PLA2G4A: variants seen among roughly 807,000 people sequenced by gnomAD.
The protein encoded by PLA2G4A is cytosolic phospholipase A2.
In PLA2G4A, 40 loss-of-function variants were observed where a neutral mutation model predicts 81.9. That is an observed-to-expected ratio of 0.49 (90% confidence interval 0.38 to 0.64). The LOEUF is 0.64. Among genes scored for constraint, PLA2G4A ranks in the 30% least tolerant of loss-of-function variants. PLA2G4A has a pLI of 0.00. For synonymous variants in PLA2G4A, 302 were observed against 296.9 expected, an observed-to-expected ratio of 1.02 and a Z score of -0.18; for missense variants, 715 against 905.1, an observed-to-expected ratio of 0.79 and a Z score of 2.69.
Position 186,830,970 on chromosome 1 carries a change from CTT to C in PLA2G4A, c.-70+1937_-70+1938del, listed in dbSNP as rs879673305. On this transcript the variant is annotated intron_variant, in intron 1 of 17. Transcript: ENST00000367466. ...GCTTGCTTGCTTGCTTTCTTTCTTT[CTT>C]TCTTTCTTTCTTTCTTTCTTTCTTT... is the stretch of plus-strand genomic sequence containing the variant. 7.9e-3 allele frequency among the ~76,000 whole-genome samples: 849 copies of C among 107,336 alleles called. 8 individuals are homozygous for C. The highest frequency in any genetic ancestry group is 0.023 in the African/African-American group (595 of 26,048). The allele number at this position is 107,336 out of a possible 152,430, so 70.4% of individuals were successfully genotyped here.
chr1:186,946,972 G>T lies in PLA2G4A; in HGVS notation c.1264+11G>T, dbSNP rs200175385. The T allele has an allele frequency of 7.7e-6, 11 of 1,421,234 alleles. No homozygotes were observed. Among genetic ancestry groups the T allele is most frequent in the Middle Eastern group, 1.8e-4 (1 of 5,714 alleles). 88.0% of individuals were successfully genotyped at this position (1,421,234 alleles called of 1,614,324 possible). Reference sequence around the variant, plus strand: ...TGGAGGAAGAATTAGGTATCCTAAAGATATGCTTACATTGATACAAATCTT... The same window carrying T: ...TGGAGGAAGAATTAGGTATCCTAAATATATGCTTACATTGATACAAATCTT... On this transcript the variant is annotated intron_variant, in intron 12 of 17. Transcript: ENST00000367466.
At chr1:186,856,023 T>C (rs1411566344) in intron 2 of PLA2G4A, among the ~76,000 whole-genome samples, 2 of 152,024 alleles carry the variant, frequency 1.3e-5, no homozygotes, top group African/African-American at 2.4e-5. Flanking sequence ...TCTTTGCATT[T>C]CCATATAATT....
At chr1:186,909,660 C>CAAAA (rs377504921) in intron 6 of PLA2G4A, among the ~76,000 whole-genome samples, 2 of 113,020 alleles carry the variant, frequency 1.8e-5, no homozygotes, top group African/African-American at 3.5e-5. Flanking sequence ...AACTCCGTCT[C>CAAAA]AAAAAAAAAA....
chr1:186,982,922 C>T (rs1316828290), intron 17 of PLA2G4A, among the ~76,000 whole-genome samples: 1 of 151,630 alleles, frequency 6.6e-6, no homozygotes, highest in South Asian at 2.1e-4. Flanking sequence ...ACTAAAAATA[C>T]AAAAAAGCAA....
At chr1:186,885,040 G>A (rs1212553324) in intron 3 of PLA2G4A, among the ~76,000 whole-genome samples, 1 of 152,060 alleles carries the variant, frequency 6.6e-6, no homozygotes, top group Admixed American at 6.6e-5. Flanking sequence ...TAATCCAGCA[G>A]AGCTTTGTCA....
chr1:186,921,133 C>T (rs1004591839), intron 7 of PLA2G4A, among the ~76,000 whole-genome samples: 34 of 152,104 alleles, frequency 2.2e-4, no homozygotes, highest in Admixed American at 3.3e-4. Flanking sequence ...TAATGCCTCA[C>T]GGTACCGTCT....
intron 8 of PLA2G4A, among the ~76,000 whole-genome samples, chr1:186,934,292 A>G (rs914056511): frequency 6.6e-6 from 1 of 151,912 alleles, no homozygotes; most frequent in African/African-American, 2.4e-5. Context: ...CTAGACTTCG[A>G]GTGCTGATTT....
intron 1 of PLA2G4A, among the ~76,000 whole-genome samples, chr1:186,842,043 CT>C (rs34496849): frequency 0.65 from 75,417 of 115,966 alleles, 22,850 homozygotes; most frequent in Admixed American, 0.73. Flanking sequence ...CATATCATAT[CT>C]TTTTTTTTTT....
intron 1 of PLA2G4A, among the ~76,000 whole-genome samples, chr1:186,839,563 AT>A (rs1558348465): frequency 6.6e-6 from 1 of 152,102 alleles, no homozygotes; most frequent in Non-Finnish European, 1.5e-5. Flanking sequence ...CTGCTTATTG[AT>A]TTTACTAATG....
rs186271613 is a variant in PLA2G4A at position 186,906,234 on chromosome 1, G to T, written c.379-731G>T. Among the ~76,000 whole-genome samples, 972 of 152,252 alleles carry T rather than the reference G, an allele frequency of 6.4e-3. 2 individuals carry two copies. Among genetic ancestry groups the T allele is most frequent in the Middle Eastern group, 0.041 (12 of 294 alleles). On this transcript the variant is annotated intron_variant, in intron 5 of 17. Transcript: ENST00000367466. ...TAACGCCAGGGATAATATTGAAAAG[G>T]CCTTTCTGTACAACAGATTTACAGT... is the stretch of plus-strand genomic sequence containing the variant.
At chr1:186,947,702 T>C (rs888720952) in intron 12 of PLA2G4A, among the ~76,000 whole-genome samples, 5 of 152,180 alleles carry the variant, frequency 3.3e-5, no homozygotes, top group African/African-American at 1.2e-4. Context: ...CTGTTTTGAC[T>C]GATAGCATAA....
At chr1:186,887,250 G>A (rs1174148776) in intron 3 of PLA2G4A, among the ~76,000 whole-genome samples, 1 of 152,072 alleles carries the variant, frequency 6.6e-6, no homozygotes, top group East Asian at 1.9e-4. Context: ...CAAACAAGAG[G>A]TTTAAGTTGC....
intron 3 of PLA2G4A, among the ~76,000 whole-genome samples, chr1:186,872,107 C>T (rs1408237818): frequency 6.6e-6 from 1 of 152,072 alleles, no homozygotes; most frequent in East Asian, 1.9e-4. Context: ...AGAGCAATGG[C>T]AATTTCTTCA....
chr1:186,860,150 T>C (rs888612776), intron 2 of PLA2G4A, among the ~76,000 whole-genome samples: 9 of 152,158 alleles, frequency 5.9e-5, no homozygotes, highest in Non-Finnish European at 1.2e-4. Flanking sequence ...CAATAGGAGA[T>C]ATTAATTTAT....
intron 5 of PLA2G4A, among the ~76,000 whole-genome samples, chr1:186,899,503 C>T (rs1449648395): frequency 2.0e-5 from 3 of 152,086 alleles, no homozygotes; most frequent in Non-Finnish European, 4.4e-5. Context: ...TCTGAAGGCA[C>T]TGGACTAGAA....
intron 1 of PLA2G4A, among the ~76,000 whole-genome samples, chr1:186,833,021 A>T (rs1651652170): frequency 6.6e-6 from 1 of 152,196 alleles, no homozygotes; most frequent in African/African-American, 2.4e-5. Context: ...GAGGGTTCAG[A>T]GATGATGGCC....
At chr1:186,915,982 G>A (rs1454596048) in intron 7 of PLA2G4A, among the ~76,000 whole-genome samples, 2 of 152,094 alleles carry the variant, frequency 1.3e-5, no homozygotes, top group Non-Finnish European at 2.9e-5. Context: ...TAATTCTCGG[G>A]CTTTCCATGG....
intron 7 of PLA2G4A, among the ~76,000 whole-genome samples, chr1:186,913,313 C>A (rs1353631172): frequency 1.3e-5 from 2 of 151,636 alleles, no homozygotes; most frequent in Non-Finnish European, 2.9e-5. Context: ...TAGTTTTTTT[C>A]TTTCCTTAAA....
chr1:186,982,196 G>T (rs2102302793), intron 17 of PLA2G4A, among the ~76,000 whole-genome samples: 1 of 152,310 alleles, frequency 6.6e-6, no homozygotes, highest in Middle Eastern at 3.4e-3. Flanking sequence ...AATCTTTCCT[G>T]TATCTCCAAG....
Sources: allele counts gnomAD v4.1 joint callset (sites outside exome capture counted in the v4.1 genomes callset), GRCh38; gene constraint gnomAD v4.1.1; transcripts MANE v1.5; gene names NCBI Gene and HGNC (gene_info 2026-07-23, HGNC 2026-07-21).